SORBS2: variants seen among roughly 807,000 people sequenced by gnomAD.
SORBS2 encodes the protein sorbin and SH3 domain-containing protein 2.
In SORBS2, 46 loss-of-function variants were observed where a neutral mutation model predicts 97.7. The observed-to-expected ratio is 0.47, with a 90% CI of 0.37 to 0.60. SORBS2 has a LOEUF of 0.60. SORBS2 is among the 20% of genes least tolerant of loss of function. The pLI, the probability that SORBS2 is intolerant of heterozygous loss-of-function variation, is 0.00. For missense variants in SORBS2, 1,316 were observed against 1,282.3 expected (o/e 1.03, Z -0.40); for synonymous variants, 476 against 473.4 (o/e 1.01, Z -0.07).
At chr4:185,950,184 G>A (rs990231326) in intron 1 of SORBS2, among the ~76,000 whole-genome samples, 7 of 151,980 alleles carry the variant, frequency 4.6e-5, no homozygotes, top group Admixed American at 2.0e-4. Context: ...CCCAGGAGGC[G>A]GAGGTTGCAG....
At chr4:185,609,725 T>C (rs2096501012) in intron 12 of SORBS2, among the ~76,000 whole-genome samples, 1 of 152,258 alleles carries the variant, frequency 6.6e-6, no homozygotes, top group African/African-American at 2.4e-5. Context: ...GTGATTTAAA[T>C]GTGTCACCAG....
intron 4 of SORBS2, among the ~76,000 whole-genome samples, chr4:185,635,687 A>C (rs980857729): frequency 1.3e-5 from 2 of 152,310 alleles, no homozygotes; most frequent in Non-Finnish European, 2.9e-5. Context: ...TAGCACTCCT[A>C]GTCTCTGGCC....
intron 1 of SORBS2, among the ~76,000 whole-genome samples, chr4:185,853,551 T>A (rs1259072039): frequency 1.3e-5 from 2 of 152,182 alleles, no homozygotes; most frequent in African/African-American, 4.8e-5. Context: ...GATACACCAA[T>A]GAGGTACACC....
chr4:185,653,298 C>T (rs551372335), intron 1 of SORBS2, among the ~76,000 whole-genome samples: 1 of 152,278 alleles, frequency 6.6e-6, no homozygotes, highest in East Asian at 1.9e-4. Flanking sequence ...GATATTGCTT[C>T]AAAAATGCTA....
chr4:185,875,999 A>G (rs1039009457), intron 1 of SORBS2, among the ~76,000 whole-genome samples: 1 of 152,204 alleles, frequency 6.6e-6, no homozygotes. Context: ...GTTTCTCTCA[A>G]TAACAAACTC....
chr4:185,678,405 A>G lies in SORBS2; in HGVS notation c.-46+18T>C. 2 of 1,545,284 alleles carry G rather than the reference A, an allele frequency of 1.3e-6. No homozygotes were observed. Among genetic ancestry groups the G allele is most frequent in the Middle Eastern group, 1.7e-4 (1 of 5,968 alleles). On this transcript the variant is annotated intron_variant, in intron 4 of 20. Coordinates refer to the SORBS2 transcript ENST00000284776. ...CATGCCTTAAAATAATGCAGTAGCC[A>G]AGAGTGTGCAGGGTTACCTGAGTTG...
intron 4 of SORBS2, among the ~76,000 whole-genome samples, chr4:185,641,087 G>GT (rs1265527404): frequency 1.3e-5 from 2 of 151,934 alleles, no homozygotes; most frequent in Non-Finnish European, 1.5e-5. Flanking sequence ...AAGAAAATAT[G>GT]TAACAAATGG....
intron 4 of SORBS2, among the ~76,000 whole-genome samples, chr4:185,644,843 A>G (rs1020755370): frequency 2.6e-5 from 4 of 152,226 alleles, no homozygotes; most frequent in African/African-American, 7.2e-5. Flanking sequence ...GACAATTTCA[A>G]TAACAATGAT....
At chr4:185,745,955 C>T (rs1201170809) in intron 2 of SORBS2, among the ~76,000 whole-genome samples, 3 of 152,230 alleles carry the variant, frequency 2.0e-5, no homozygotes, top group East Asian at 1.9e-4. Context: ...GAGAAGCAAA[C>T]GATATCACCA....
intron 1 of SORBS2, among the ~76,000 whole-genome samples, chr4:185,939,672 G>A (rs2099270884): frequency 6.6e-6 from 1 of 152,094 alleles, no homozygotes; most frequent in African/African-American, 2.4e-5. Flanking sequence ...CACCACGCCT[G>A]GCTAATTTTG....
chr4:185,643,698 G>C (rs1320778670), intron 4 of SORBS2, among the ~76,000 whole-genome samples: 2 of 152,070 alleles, frequency 1.3e-5, no homozygotes, highest in Admixed American at 6.5e-5. Flanking sequence ...TTGGAAAAGT[G>C]GGCAGATGGA....
chr4:185,897,028 T>C (rs1188089696), intron 1 of SORBS2, among the ~76,000 whole-genome samples: 8 of 152,150 alleles, frequency 5.3e-5, no homozygotes, highest in African/African-American at 1.9e-4. Context: ...GTACCCCAGA[T>C]GACAGCCTCA....
chr4:185,887,462 C>T (rs765561678), intron 1 of SORBS2, among the ~76,000 whole-genome samples: 2 of 152,162 alleles, frequency 1.3e-5, no homozygotes, highest in African/African-American at 2.4e-5. Flanking sequence ...TCAAAACTTG[C>T]GGGCATCGCA....
At chr4:185,811,501 T>A (rs746065207) in intron 1 of SORBS2, among the ~76,000 whole-genome samples, 163 bp downstream of exon 1, 8 of 152,202 alleles carry the variant, frequency 5.3e-5, no homozygotes, top group Non-Finnish European at 1.0e-4. Context: ...CAACTCTATG[T>A]CTCTGATACT....
intron 4 of SORBS2, chr4:185,665,991 AAGG>A: frequency 7.8e-7 from 1 of 1,280,114 alleles, no homozygotes; most frequent in Non-Finnish European, 1.0e-6. Flanking sequence ...AGCAATGGGA[AAGG>A]CTCTGGGGAT....
intron 1 of SORBS2, among the ~76,000 whole-genome samples, chr4:185,872,436 A>T (rs565866028): frequency 3.9e-5 from 6 of 152,216 alleles, no homozygotes; most frequent in Non-Finnish European, 8.8e-5. Context: ...GAGCTGTGGG[A>T]ATTTCACAAG....
At chr4:185,861,120 T>G (rs2099223469) in intron 1 of SORBS2, among the ~76,000 whole-genome samples, 1 of 152,164 alleles carries the variant, frequency 6.6e-6, no homozygotes, top group South Asian at 2.1e-4. Flanking sequence ...ATCATTGCTA[T>G]AAACAGTCTG....
intron 1 of SORBS2, among the ~76,000 whole-genome samples, chr4:185,789,493 G>A (rs937548288): frequency 1.8e-4 from 27 of 150,622 alleles, no homozygotes; most frequent in African/African-American, 5.8e-4. Flanking sequence ...ATATATAATT[G>A]TGTATTAGAT....
At position 185,720,199 on chromosome 4, in the gene SORBS2, A is replaced by C. The variant is rs77520777; in HGVS notation, c.-197-41377T>G. On this transcript the variant is annotated intron_variant, in intron 2 of 20. Transcript: ENST00000284776. ...GCCTCCGTACTAGCCTTGCACCACC[A>C]ATCTGTACTTTTACATGAGTGAGCA... 1.3e-3 allele frequency among the ~76,000 whole-genome samples: 195 copies of C among 152,324 alleles called. 5 individuals carry two copies. In the East Asian group the frequency reaches 0.023, roughly 18 times the overall value.
Sources: allele counts gnomAD v4.1 joint callset (sites outside exome capture counted in the v4.1 genomes callset), GRCh38; gene constraint gnomAD v4.1.1; transcripts MANE v1.5; gene names NCBI Gene and HGNC (gene_info 2026-07-23, HGNC 2026-07-21).